The following MACROD2 variants were observed in gnomAD, a reference collection of about 807,000 sequenced individuals.
MACROD2 encodes ADP-ribose glycohydrolase MACROD2.
Under a neutral mutation model 70.4 loss-of-function variants are expected in MACROD2, and 36 were observed. The ratio of observed to expected loss-of-function variants is 0.51; its 90% confidence interval spans 0.39 to 0.68. The LOEUF (loss-of-function observed/expected upper bound fraction) is 0.68, where lower values mean the gene tolerates loss of function less well. Ranked by LOEUF, MACROD2 falls within the 30% of genes least tolerant of loss-of-function variation. The pLI is 0.00. For missense variants in MACROD2, 496 were observed against 538.4 expected (o/e 0.92, Z 0.78); for synonymous variants, 172 against 178.8 (o/e 0.96, Z 0.30).
At chr20:14,391,667 T>C (rs1030660441) in intron 3 of MACROD2, among the ~76,000 whole-genome samples, 1 of 151,102 alleles carries the variant, frequency 6.6e-6, no homozygotes, top group Admixed American at 6.6e-5. Context: ...GTGTATATTG[T>C]AGCAACATGG....
At chr20:15,470,482 G>T (rs6079847) in intron 7 of MACROD2, among the ~76,000 whole-genome samples, 5 of 152,060 alleles carry the variant, frequency 3.3e-5, no homozygotes, top group East Asian at 1.9e-4. Flanking sequence ...AGGGGTTGGA[G>T]GGGGAAACTA....
chr20:14,755,137 G>A (rs2071923293), intron 5 of MACROD2, among the ~76,000 whole-genome samples: 1 of 152,022 alleles, frequency 6.6e-6, no homozygotes, highest in African/African-American at 2.4e-5. Context: ...AATTAGGGTG[G>A]GTGGAGAAAC....
At chr20:15,051,524 C>G (rs534316661) in intron 5 of MACROD2, among the ~76,000 whole-genome samples, 2 of 152,196 alleles carry the variant, frequency 1.3e-5, no homozygotes, top group South Asian at 4.1e-4. Context: ...CATGAAATTT[C>G]CTCTTCTTCA....
chr20:14,611,452 G>GTTTTTTT (rs11473891), intron 4 of MACROD2, among the ~76,000 whole-genome samples: 2 of 113,394 alleles, frequency 1.8e-5, no homozygotes, highest in African/African-American at 3.4e-5. Context: ...ATGCCCTGAG[G>GTTTTTTT]TTTTTTTTTT....
intron 5 of MACROD2, among the ~76,000 whole-genome samples, chr20:14,885,692 A>G (rs138067766): frequency 1.3e-5 from 2 of 152,278 alleles, no homozygotes; most frequent in African/African-American, 4.8e-5. Flanking sequence ...TTTGGCCCTT[A>G]GCCTTCAGCT....
chr20:15,725,403 G>A (rs985628566), intron 8 of MACROD2, among the ~76,000 whole-genome samples: 7 of 152,116 alleles, frequency 4.6e-5, no homozygotes, highest in Non-Finnish European at 7.4e-5. Context: ...CTGGCATACA[G>A]GAAAGCAATT....
At chr20:14,838,728 T>A (rs2073056468) in intron 5 of MACROD2, among the ~76,000 whole-genome samples, 1 of 152,154 alleles carries the variant, frequency 6.6e-6, no homozygotes, top group Admixed American at 6.5e-5. Context: ...TCACTGTCCC[T>A]TATGAGCATT....
At chr20:15,096,255 A>G (rs1040665079) in intron 5 of MACROD2, among the ~76,000 whole-genome samples, 1 of 152,008 alleles carries the variant, frequency 6.6e-6, no homozygotes, top group Non-Finnish European at 1.5e-5. Context: ...AGGTGCAATC[A>G]TCAGTCCCCT....
At chr20:15,176,099 A>G (rs542619982) in intron 5 of MACROD2, among the ~76,000 whole-genome samples, 1 of 152,350 alleles carries the variant, frequency 6.6e-6, no homozygotes, top group African/African-American at 2.4e-5. Context: ...GTGTATTCTC[A>G]GAGGTGCTGA....
intron 5 of MACROD2, among the ~76,000 whole-genome samples, chr20:14,844,686 A>T (rs982275911): frequency 1.3e-5 from 2 of 152,082 alleles, no homozygotes; most frequent in Non-Finnish European, 2.9e-5. Flanking sequence ...CTCAAAAAGA[A>T]AGGCATAAAC....
intron 3 of MACROD2, among the ~76,000 whole-genome samples, chr20:14,250,931 G>A (rs1170419395): frequency 6.6e-6 from 1 of 151,812 alleles, no homozygotes; most frequent in Non-Finnish European, 1.5e-5. Flanking sequence ...GGTTCCTCAT[G>A]GAACAGAAAA....
intron 4 of MACROD2, among the ~76,000 whole-genome samples, chr20:14,609,109 A>G (rs1359356005): frequency 6.6e-6 from 1 of 152,132 alleles, no homozygotes; most frequent in Non-Finnish European, 1.5e-5. Context: ...AAGCACATGA[A>G]TCAACATATT....
chr20:15,025,303 G>A (rs564831682), intron 5 of MACROD2, among the ~76,000 whole-genome samples: 102 of 152,156 alleles, frequency 6.7e-4, no homozygotes, highest in African/African-American at 2.2e-3. Context: ...ACAAGCTTCC[G>A]ATATTATCAG....
At chr20:15,431,703 G>C (rs954272089) in intron 7 of MACROD2, among the ~76,000 whole-genome samples, 2 of 151,886 alleles carry the variant, frequency 1.3e-5, no homozygotes, top group African/African-American at 4.8e-5. Flanking sequence ...GGTTCCAGTA[G>C]GATTGACTTC....
intron 6 of MACROD2, among the ~76,000 whole-genome samples, chr20:15,339,664 G>A (rs2078086073): frequency 6.6e-6 from 1 of 151,698 alleles, no homozygotes; most frequent in South Asian, 2.1e-4. Flanking sequence ...ATGTTTCCAA[G>A]CCAATTTCTA....
chr20:15,578,903 TAGAC>T (rs549777209), intron 8 of MACROD2, among the ~76,000 whole-genome samples: 129 of 152,326 alleles, frequency 8.5e-4, no homozygotes, highest in Non-Finnish European at 9.1e-4. Flanking sequence ...ACATAGAAGA[TAGAC>T]AGATAAACAG....
intron 8 of MACROD2, among the ~76,000 whole-genome samples, chr20:15,542,107 T>C (rs2047965399): frequency 6.6e-6 from 1 of 152,070 alleles, no homozygotes; most frequent in South Asian, 2.1e-4. Context: ...ATCTTGGGGT[T>C]ATACAAAAAA....
chr20:14,889,965 G>A lies in MACROD2; in HGVS notation c.418+205006G>A, dbSNP rs77845174. 5.1e-3 allele frequency among the ~76,000 whole-genome samples: 782 copies of A among 152,260 alleles called. 10 individuals are homozygous for A. Among genetic ancestry groups the A allele is most frequent in the African/African-American group, 0.018 (738 of 41,560 alleles). On this transcript the variant is annotated intron_variant, in intron 5 of 17. Coordinates refer to ENST00000684519, the MANE Select transcript of MACROD2 (RefSeq NM_001351661.2). ...ATCTGGGAGACAGCTGGTTGCCTCA[G>A]TCAAGATGGCAGCTTGCAGTAGAAG... is the stretch of plus-strand genomic sequence containing the variant.
At chr20:15,101,997 T>A (rs1251138863) in intron 5 of MACROD2, among the ~76,000 whole-genome samples, 1 of 151,878 alleles carries the variant, frequency 6.6e-6, no homozygotes, top group East Asian at 1.9e-4. Flanking sequence ...ACAAAATTCA[T>A]AAACATGCAC....
Sources: gnomAD v4.1 joint callset for allele counts (sites outside exome capture counted in the v4.1 genomes callset) on GRCh38, gnomAD v4.1.1 for gene constraint, MANE v1.5 for transcripts, NCBI Gene and HGNC (gene_info 2026-07-23, HGNC 2026-07-21) for gene names.